Variants in SETBP1 observed in about 807,000 individuals in gnomAD.
SETBP1 encodes the protein SET binding protein 1, also known as SET-binding protein.
A neutral mutation model predicts 101.0 loss-of-function variants in SETBP1; 9 were observed. The observed-to-expected ratio is 0.09, with a 90% CI of 0.05 to 0.16. SETBP1 has a LOEUF of 0.16. Among genes scored for constraint, SETBP1 ranks in the 10% least tolerant of loss-of-function variants. The pLI, the probability that SETBP1 is intolerant of heterozygous loss-of-function variation, is 1.00. For synonymous variants in SETBP1, 818 were observed against 788.5 expected (o/e 1.04, Z -0.63); for missense variants, 1,858 against 2,033.8 (o/e 0.91, Z 1.66).
intron 1 of SETBP1, among the ~76,000 whole-genome samples, chr18:44,700,916 C>A (rs1193200029): frequency 6.6e-6 from 1 of 152,188 alleles, no homozygotes; most frequent in Non-Finnish European, 1.5e-5. Context: ...CTGGAGAACT[C>A]GCACCTCTTA....
Position 44,701,820 on chromosome 18 carries a change from C to T in SETBP1, c.474C>T (p.His158=), listed in dbSNP as rs374289352. 6.2e-6 allele frequency: 10 copies of T among 1,612,976 alleles called. No individual in the cohort carries two copies. In the African/African-American group the frequency reaches 1.2e-4, roughly 19 times the overall value. Residue 158 remains histidine, a synonymous_variant, in exon 2 of 6, where the codon CAC becomes CAT. Coordinates refer to ENST00000649279, the MANE Select transcript of SETBP1 (RefSeq NM_015559.3). ...CCACGAAGGAGGAAGAAAGAAGCCA[C>T]TCCAAAAAGAAGGTAGGAAGCCCTG... The part of the protein sequence containing the change: ...SKATKEEERS[H]SKKKLLTASD...
intron 3 of SETBP1, among the ~76,000 whole-genome samples, chr18:44,900,971 T>G (rs1444728980): frequency 6.6e-6 from 1 of 152,116 alleles, no homozygotes; most frequent in Admixed American, 6.5e-5. Context: ...TAGAAACAAA[T>G]AAAATCTCCT....
intron 2 of SETBP1, among the ~76,000 whole-genome samples, chr18:44,853,296 G>A (rs7226462): frequency 2.6e-5 from 4 of 152,264 alleles, no homozygotes; most frequent in African/African-American, 9.6e-5. Flanking sequence ...GGGAGAGGAA[G>A]GGTACAAAGT....
intron 3 of SETBP1, among the ~76,000 whole-genome samples, chr18:44,915,439 T>G (rs2144903411): frequency 6.6e-6 from 1 of 152,316 alleles, no homozygotes; most frequent in Non-Finnish European, 1.5e-5. Flanking sequence ...TGTGCAACCC[T>G]ATGCTAAACA....
At chr18:44,844,346 C>G (rs2072680736) in intron 2 of SETBP1, among the ~76,000 whole-genome samples, 1 of 47,410 alleles carries the variant, frequency 2.1e-5, no homozygotes, top group Non-Finnish European at 4.5e-5. Context: ...CACGTGCACA[C>G]ACGCGCGCAC....
chr18:44,764,431 C>T (rs1051994275), intron 2 of SETBP1, among the ~76,000 whole-genome samples: 6 of 152,022 alleles, frequency 3.9e-5, no homozygotes, highest in Non-Finnish European at 8.8e-5. Context: ...TGTCCTCCTT[C>T]TTCTTCTTCT....
intron 2 of SETBP1, among the ~76,000 whole-genome samples, chr18:44,795,897 C>G (rs1173574104): frequency 6.6e-6 from 1 of 152,198 alleles, no homozygotes; most frequent in Admixed American, 6.5e-5. Flanking sequence ...CATCCCTAGA[C>G]TATGATTTTA....
chr18:44,947,696 A>C (rs1012474897), intron 3 of SETBP1, among the ~76,000 whole-genome samples: 4 of 151,924 alleles, frequency 2.6e-5, no homozygotes, highest in Non-Finnish European at 4.4e-5. Context: ...AGTAGGGATG[A>C]GGTTTCTCCA....
intron 3 of SETBP1, among the ~76,000 whole-genome samples, chr18:44,916,659 C>T (rs571844860): frequency 1.3e-5 from 2 of 150,522 alleles, no homozygotes; most frequent in Admixed American, 6.6e-5. Flanking sequence ...AGCCCAGACA[C>T]GGAGAGAATA....
intron 2 of SETBP1, among the ~76,000 whole-genome samples, chr18:44,771,919 A>G (rs979304436): frequency 6.6e-6 from 1 of 152,216 alleles, no homozygotes; most frequent in Non-Finnish European, 1.5e-5. Flanking sequence ...AGCTTATATG[A>G]TGGAACAGAC....
chr18:44,742,470 G>A (rs1042480691), intron 2 of SETBP1, among the ~76,000 whole-genome samples: 9 of 152,178 alleles, frequency 5.9e-5, no homozygotes, highest in East Asian at 1.9e-4. Context: ...AGGAGGATGC[G>A]GAGCACAAAA....
intron 4 of SETBP1, among the ~76,000 whole-genome samples, chr18:45,032,498 G>A (rs2073316907): frequency 6.6e-6 from 1 of 152,138 alleles, no homozygotes. Context: ...GAATGAAAGT[G>A]ATGATGATAA....
intron 2 of SETBP1, among the ~76,000 whole-genome samples, chr18:44,773,824 GTCTCTCTC>G (rs2070930046): frequency 9.2e-6 from 1 of 108,570 alleles, no homozygotes; most frequent in Non-Finnish European, 1.9e-5. Context: ...CTCTCTCTCT[GTCTCTCTC>G]TGTTTATGTG....
chr18:45,025,867 G>A (rs1391141864), intron 4 of SETBP1, among the ~76,000 whole-genome samples: 1 of 152,174 alleles, frequency 6.6e-6, no homozygotes, highest in East Asian at 1.9e-4. Flanking sequence ...GTGAGGACAT[G>A]TTGGGCTAAT....
At chr18:44,717,007 C>T (rs879743395) in intron 2 of SETBP1, among the ~76,000 whole-genome samples, 16 of 152,290 alleles carry the variant, frequency 1.1e-4, no homozygotes, top group African/African-American at 2.9e-4. Context: ...ACATTGCTAC[C>T]GAATCTTCCC....
chr18:45,012,037 C>A (rs186517689), intron 4 of SETBP1, among the ~76,000 whole-genome samples: 1 of 152,150 alleles, frequency 6.6e-6, no homozygotes, highest in African/African-American at 2.4e-5. Context: ...GGGACTTCTT[C>A]ATAATTCTCC....
At chr18:44,808,985 A>C (rs1163842347) in intron 2 of SETBP1, among the ~76,000 whole-genome samples, 1 of 152,160 alleles carries the variant, frequency 6.6e-6, no homozygotes. Flanking sequence ...TGTTTTAATC[A>C]TTGGCAGCAG....
At chr18:44,872,275 G>A (rs1260697739) in intron 3 of SETBP1, 1 of 151,968 alleles carries the variant, frequency 6.6e-6, no homozygotes, top group Admixed American at 6.6e-5. Context: ...GTAGAAATTT[G>A]GAATATACAG....
chr18:44,716,759 C>T (rs1026933287), intron 2 of SETBP1, among the ~76,000 whole-genome samples: 2 of 152,118 alleles, frequency 1.3e-5, no homozygotes, highest in African/African-American at 4.8e-5. Context: ...GAAGGTGTTT[C>T]CCCATCTTGG....
Sources: gnomAD v4.1 joint callset for allele counts (sites outside exome capture counted in the v4.1 genomes callset) on GRCh38, gnomAD v4.1.1 for gene constraint, MANE v1.5 for transcripts, NCBI Gene and HGNC (gene_info 2026-07-23, HGNC 2026-07-21) for gene names.